RASGRP3: variants seen among roughly 807,000 people sequenced by gnomAD.
RASGRP3 encodes RAS guanyl releasing protein 3.
Under a neutral mutation model 82.7 loss-of-function variants are expected in RASGRP3, and 54 were observed. The observed-to-expected ratio is 0.65, with a 90% CI of 0.52 to 0.82. The LOEUF (loss-of-function observed/expected upper bound fraction) is 0.82, where lower values mean the gene tolerates loss of function less well. Ranked by LOEUF, RASGRP3 falls within the 40% of genes least tolerant of loss-of-function variation. The pLI, the probability that RASGRP3 is intolerant of heterozygous loss-of-function variation, is 0.00. For missense variants in RASGRP3, 861 were observed against 828.9 expected (o/e 1.04, Z -0.48); for synonymous variants, 309 against 300.5 (o/e 1.03, Z -0.29).
At chr2:33,440,785 T>C (rs1373130055) in intron 1 of RASGRP3, among the ~76,000 whole-genome samples, 1 of 152,134 alleles carries the variant, frequency 6.6e-6, no homozygotes, top group Admixed American at 6.5e-5. Flanking sequence ...GTTACTTTTT[T>C]TGTATGACAT....
chr2:33,517,525 G>A (rs774169377), intron 4 of RASGRP3, among the ~76,000 whole-genome samples: 10 of 152,174 alleles, frequency 6.6e-5, no homozygotes, highest in Non-Finnish European at 1.3e-4. Flanking sequence ...AGCCAGTAGG[G>A]TGTCCACCTG....
chr2:33,455,041 A>G (rs758708521), intron 2 of RASGRP3, among the ~76,000 whole-genome samples: 32 of 152,264 alleles, frequency 2.1e-4, no homozygotes, highest in Non-Finnish European at 3.8e-4. Context: ...GGGTGGTTGA[A>G]TGTGGTGATG....
At chr2:33,517,122 T>C (rs1407828641) in intron 4 of RASGRP3, among the ~76,000 whole-genome samples, 2 of 152,228 alleles carry the variant, frequency 1.3e-5, no homozygotes, top group Non-Finnish European at 2.9e-5. Context: ...ATGAACATTC[T>C]AGCAGACTTA....
At chr2:33,495,508 ACCAGGCCATGGC>A (rs538323118) in intron 1 of RASGRP3, among the ~76,000 whole-genome samples, 1 of 152,026 alleles carries the variant, frequency 6.6e-6, no homozygotes, top group Non-Finnish European at 1.5e-5. Flanking sequence ...CAGGCCATGG[ACCAGGCCATGGC>A]CCAGGGGTTG....
chr2:33,532,526 C>CTTTTATACCATTATATAAAAGCCTACCA (rs1673195514), intron 10 of RASGRP3: 1 of 152,168 alleles, frequency 6.6e-6, no homozygotes, highest in Admixed American at 6.5e-5. Context: ...TCCTACTTGG[C>CTTTTATACCATTATATAAAAGCCTACCA]TCTTTTATAT....
At chr2:33,469,691 C>T (rs1250064442) in intron 2 of RASGRP3, among the ~76,000 whole-genome samples, 3 of 152,064 alleles carry the variant, frequency 2.0e-5, no homozygotes, top group Non-Finnish European at 4.4e-5. Context: ...AAACTCCTGA[C>T]CTTAGATGAT....
At chr2:33,465,950 A>G (rs1414391458) in intron 2 of RASGRP3, among the ~76,000 whole-genome samples, 1 of 137,710 alleles carries the variant, frequency 7.3e-6, no homozygotes, top group Admixed American at 7.6e-5. Context: ...TTTTAACCCC[A>G]CTGTTGAGAC....
In RASGRP3 at chr2:33,563,012, T is replaced by C. The variant is rs1415614204; in HGVS notation, c.*275T>C. The C allele has an allele frequency of 1.7e-5, 8 of 472,722 alleles. No homozygotes were observed. The highest frequency in any genetic ancestry group is 1.1e-5 in the Non-Finnish European group (3 of 268,092). 29.3% of individuals were successfully genotyped at this position (472,722 alleles called of 1,614,324 possible). The stretch of plus-strand genomic sequence containing the variant: ...TCAGTACTTTTTTCTCATGTATCTT[T>C]CTCTAGACCATTTATATACGGGTGA... On this transcript the variant is annotated 3_prime_UTR_variant, in exon 18 of 18. Transcript: ENST00000403687.
intron 8 of RASGRP3, 80 bp from the exon 9 acceptor site, chr2:33,524,352 G>T (rs1672319069): frequency 2.1e-6 from 2 of 930,916 alleles, no homozygotes; most frequent in Non-Finnish European, 3.2e-6. Context: ...TATTAAAATT[G>T]TGCATAAATT....
chr2:33,506,655 A>G lies in RASGRP3; in HGVS notation c.-260-5055A>G, dbSNP rs75881811. ...ACAGACAACAAAAATTTTTAAATCT[A>G]GGAAAATCCTATTATCACATTAAAT... On this transcript the variant is annotated intron_variant, in intron 1 of 17. Coordinates refer to ENST00000403687, the MANE Select transcript of RASGRP3 (RefSeq NM_001139488.2). Among the ~76,000 whole-genome samples, 820 of 152,372 alleles carry G rather than the reference A, an allele frequency of 5.4e-3. 7 individuals are homozygous for G. Among genetic ancestry groups the G allele is most frequent in the African/African-American group, 0.019 (781 of 41,588 alleles).
intron 1 of RASGRP3, among the ~76,000 whole-genome samples, chr2:33,485,931 C>G (rs1029741708): frequency 1.1e-4 from 16 of 152,308 alleles, no homozygotes; most frequent in African/African-American, 3.8e-4. Flanking sequence ...ATTTGGAACA[C>G]CATCTCACAT....
chr2:33,519,908 A>G (rs1671852698), intron 4 of RASGRP3, 44 bp from the exon 5 acceptor site: 1 of 1,453,852 alleles, frequency 6.9e-7, no homozygotes, highest in Non-Finnish European at 9.5e-7. Flanking sequence ...AGGGGTGTGC[A>G]AAGGAAAGGA....
intron 1 of RASGRP3, among the ~76,000 whole-genome samples, chr2:33,489,302 T>C (rs1290679824): frequency 6.6e-6 from 1 of 152,198 alleles, no homozygotes; most frequent in Non-Finnish European, 1.5e-5. Flanking sequence ...TGCAACATTT[T>C]TGCTTGTCTG....
intron 10 of RASGRP3, among the ~76,000 whole-genome samples, chr2:33,527,823 T>C (rs1204090959): frequency 6.6e-6 from 1 of 152,198 alleles, no homozygotes; most frequent in African/African-American, 2.4e-5. Context: ...GGACCTTATC[T>C]GTGATCCCCC....
chr2:33,440,528 T>C (rs964669887), intron 1 of RASGRP3, among the ~76,000 whole-genome samples: 1 of 152,224 alleles, frequency 6.6e-6, no homozygotes, highest in African/African-American at 2.4e-5. Context: ...AGGGCGCCAG[T>C]TGCTCATGCT....
At chr2:33,521,801 G>A (rs1337120758) in intron 6 of RASGRP3, among the ~76,000 whole-genome samples, 154 bp from the exon 7 acceptor site, 1 of 152,224 alleles carries the variant, frequency 6.6e-6, no homozygotes, top group Non-Finnish European at 1.5e-5. Context: ...TTGGCAACTG[G>A]TCAGTGGTTT....
chr2:33,479,033 G>A (rs756246198), intron 1 of RASGRP3, among the ~76,000 whole-genome samples: 2 of 152,128 alleles, frequency 1.3e-5, no homozygotes, highest in Non-Finnish European at 2.9e-5. Context: ...AGGGACACCT[G>A]GATCTGACTG....
chr2:33,492,208 G>A (rs1668909813), intron 1 of RASGRP3, among the ~76,000 whole-genome samples: 1 of 152,198 alleles, frequency 6.6e-6, no homozygotes, highest in Non-Finnish European at 1.5e-5. Context: ...ATGACATCGA[G>A]TGGTAGAAAC....
upstream of RASGRP3, among the ~76,000 whole-genome samples, chr2:33,473,763 G>C (rs1001964905): frequency 6.6e-6 from 1 of 152,122 alleles, no homozygotes; most frequent in African/African-American, 2.4e-5. Context: ...GGAGGATTGA[G>C]GATCCATCCC....
Sources: gnomAD v4.1 joint callset for allele counts (sites outside exome capture counted in the v4.1 genomes callset) on GRCh38, gnomAD v4.1.1 for gene constraint, MANE v1.5 for transcripts, NCBI Gene and HGNC (gene_info 2026-07-23, HGNC 2026-07-21) for gene names.